Variants in COL13A1 observed in about 807,000 individuals in gnomAD.
The protein encoded by COL13A1 is collagen type XIII alpha 1 chain.
Under a neutral mutation model 130.9 loss-of-function variants are expected in COL13A1, and 89 were observed. The observed-to-expected ratio is 0.68, with a 90% confidence interval of 0.57 to 0.81. COL13A1 has a LOEUF of 0.81. COL13A1 is among the 30% of genes least tolerant of loss of function. The pLI, the probability that COL13A1 is intolerant of heterozygous loss-of-function variation, is 0.00. For synonymous variants in COL13A1, 402 were observed against 341.6 expected (o/e 1.18, Z -1.95); for missense variants, 879 against 934.6 (o/e 0.94, Z 0.78).
chr10:69,834,823 G>A lies in COL13A1; in HGVS notation c.364+12385G>A, dbSNP rs115833003. Among the ~76,000 whole-genome samples the A allele has an allele frequency of 3.1e-3, 470 of 152,308 alleles. 3 individuals are homozygous for A. Among genetic ancestry groups the A allele is most frequent in the African/African-American group, 0.01 (431 of 41,564 alleles). ...ATGCAGGATGCCTCATGGAAATGCT[G>A]AGGGCCCTGGAACAGTTCGTCCAGA... On this transcript the variant is annotated intron_variant, in intron 2 of 40. Coordinates refer to ENST00000645393, the MANE Select transcript of COL13A1 (RefSeq NM_001368882.1).
At chr10:69,830,529 C>T (rs1322134197) in intron 2 of COL13A1, among the ~76,000 whole-genome samples, 1 of 152,064 alleles carries the variant, frequency 6.6e-6, no homozygotes, top group Non-Finnish European at 1.5e-5. Flanking sequence ...AAGTTAAAAA[C>T]ATAAAGACAA....
intron 2 of COL13A1, among the ~76,000 whole-genome samples, chr10:69,823,484 C>T (rs561791230): frequency 6.6e-6 from 1 of 152,190 alleles, no homozygotes; most frequent in Non-Finnish European, 1.5e-5. Context: ...CTCCTCGATA[C>T]CCACGGTGGC....
chr10:69,935,362 C>A lies in COL13A1; in HGVS notation c.1741C>A (p.Pro581Thr), dbSNP rs1463933645. 1 of 1,578,910 alleles carries A rather than the reference C, an allele frequency of 6.3e-7. No homozygotes were observed. Among genetic ancestry groups the A allele is most frequent in the Non-Finnish European group, 8.6e-7 (1 of 1,161,612 alleles). ...GNPGAEVPGL[P>T]GPEGPPGPPG... is the part of the protein sequence containing the mutation. ...CTTTGGCTTTTAGGTTCCTGGGCTG[C>A]CAGGGCCAGAGGGGCCTCCCGGACC... The change falls in exon 32 of 41, where the codon CCA becomes ACA. Residue 581 changes from proline to threonine, a missense_variant. Physicochemically the swap from Pro to Thr is conservative, Grantham distance 38. This residue lies in a region of COL13A1 where 96 missense variants were observed against 147.7 expected (regional missense o/e 0.65). Transcript: ENST00000645393.
intron 14 of COL13A1, among the ~76,000 whole-genome samples, chr10:69,900,300 GA>G (rs1363398878): frequency 1.3e-5 from 2 of 152,202 alleles, no homozygotes. Context: ...ATTGTTGTGA[GA>G]ATTCTATGCA....
At chr10:69,923,949 C>T in intron 24 of COL13A1, 94 bp downstream of exon 24, 1 of 1,496,300 alleles carries the variant, frequency 6.7e-7, no homozygotes, top group Non-Finnish European at 9.1e-7. Flanking sequence ...TCCCTCAGGG[C>T]ACAAGGCTGA....
chr10:69,935,909 G>A (rs1295898875), intron 32 of COL13A1, among the ~76,000 whole-genome samples: 1 of 151,692 alleles, frequency 6.6e-6, no homozygotes, highest in Non-Finnish European at 1.5e-5. Context: ...TACTCAAGAG[G>A]CTAAGGTGGG....
At chr10:69,941,552 AGTCC>A (rs1386739456) in intron 35 of COL13A1, among the ~76,000 whole-genome samples, 4 of 152,226 alleles carry the variant, frequency 2.6e-5, no homozygotes, top group Non-Finnish European at 5.9e-5. Context: ...CATAGAAGCC[AGTCC>A]CAGCTCTGTG....
chr10:69,853,813 C>T (rs537022681), intron 2 of COL13A1, among the ~76,000 whole-genome samples: 1 of 152,160 alleles, frequency 6.6e-6, no homozygotes, highest in African/African-American at 2.4e-5. Flanking sequence ...GACCATATTC[C>T]GTGCACACCG....
At chr10:69,858,893 G>A (rs1361458929) in intron 2 of COL13A1, among the ~76,000 whole-genome samples, 2 of 152,252 alleles carry the variant, frequency 1.3e-5, no homozygotes, top group African/African-American at 4.8e-5. Flanking sequence ...CCAGCTGTGT[G>A]ACATTGGACA....
intron 13 of COL13A1, 42 bp downstream of exon 13, chr10:69,895,618 C>T (rs1222350431): frequency 6.8e-6 from 11 of 1,609,284 alleles, no homozygotes; most frequent in Non-Finnish European, 8.5e-6. Context: ...TTTGATCCAT[C>T]CCTGGGGCAC....
At chr10:69,895,262 G>A (rs1354344938) in intron 12 of COL13A1, among the ~76,000 whole-genome samples, 2 of 152,214 alleles carry the variant, frequency 1.3e-5, no homozygotes, top group African/African-American at 2.4e-5. Context: ...CAGGCATGGG[G>A]CATAACTCCC....
chr10:69,880,572 T>C lies in COL13A1; in HGVS notation c.513+19T>C, dbSNP rs1225586778. 9 of 1,612,548 alleles carry C rather than the reference T, an allele frequency of 5.6e-6. No individual in the cohort carries two copies. The Admixed American group carries it at 1.5e-4, about 27-fold the overall frequency. On this transcript the variant is annotated intron_variant, in intron 7 of 40. Coordinates refer to ENST00000645393, the MANE Select transcript of COL13A1 (RefSeq NM_001368882.1). ...CCCCCCTGTAAGTTGTTTTTGCTCTTCCTCGGGGTGTTGGGGGGATGGGTG... is the reference window on the plus strand; with the variant it reads ...CCCCCCTGTAAGTTGTTTTTGCTCTCCCTCGGGGTGTTGGGGGGATGGGTG...
chr10:69,856,485 C>T (rs1276685868), intron 2 of COL13A1, among the ~76,000 whole-genome samples: 1 of 152,150 alleles, frequency 6.6e-6, no homozygotes, highest in Non-Finnish European at 1.5e-5. Flanking sequence ...AAGGACTGTG[C>T]CCATCATAAA....
chr10:69,888,598 G>T (rs2060839080), intron 9 of COL13A1, among the ~76,000 whole-genome samples: 1 of 152,108 alleles, frequency 6.6e-6, no homozygotes, highest in Admixed American at 6.5e-5. Context: ...TGGGTGGGGT[G>T]GGGGTGAGAT....
intron 34 of COL13A1, 70 bp downstream of exon 34, chr10:69,937,785 A>C: frequency 1.3e-6 from 1 of 747,436 alleles, no homozygotes; most frequent in Non-Finnish European, 2.4e-6. Flanking sequence ...ACTGGGGGAC[A>C]GCCAGCGGAA....
In COL13A1 at chr10:69,866,585, C is replaced by T. The variant is rs146110179; in HGVS notation, c.365-1213C>T. On this transcript the variant is annotated intron_variant, in intron 2 of 40. Transcript: ENST00000645393. ...CAGATGCTCCCCCTGCTCTGTGCTCCCTCCCGCTTGTTCTGGGCCCTGCAT... is the reference window on the plus strand; with the variant it reads ...CAGATGCTCCCCCTGCTCTGTGCTCTCTCCCGCTTGTTCTGGGCCCTGCAT... 4.3e-3 allele frequency among the ~76,000 whole-genome samples: 656 copies of T among 152,248 alleles called. 7 individuals are homozygous for T. Among genetic ancestry groups the T allele is most frequent in the African/African-American group, 0.015 (615 of 41,546 alleles).
At chr10:69,899,088 G>A (rs920970565) in intron 14 of COL13A1, among the ~76,000 whole-genome samples, 12 of 152,316 alleles carry the variant, frequency 7.9e-5, no homozygotes, top group Admixed American at 2.0e-4. Flanking sequence ...CTTATTTCAC[G>A]ATGAGGAAAT....
chr10:69,949,950 G>GTGTGTGTGTGTGTGTGCC (rs1491413744), intron 38 of COL13A1, among the ~76,000 whole-genome samples: 1 of 107,402 alleles, frequency 9.3e-6, no homozygotes, highest in Non-Finnish European at 2.3e-5. Flanking sequence ...GTGTGTGTGC[G>GTGTGTGTGTGTGTGTGCC]TGTGTTTGTG....
chr10:69,883,682 G>A (rs905309768), intron 7 of COL13A1, among the ~76,000 whole-genome samples: 1 of 152,172 alleles, frequency 6.6e-6, no homozygotes, highest in Non-Finnish European at 1.5e-5. Flanking sequence ...CTGGAGGAGG[G>A]GATAATAACT....
Sources: gnomAD v4.1 joint callset for allele counts (sites outside exome capture counted in the v4.1 genomes callset) on GRCh38, gnomAD v4.1.1 for gene constraint, gnomAD v4.1.1 regional missense constraint, MANE v1.5 for transcripts, NCBI Gene and HGNC (gene_info 2026-07-23, HGNC 2026-07-21) for gene names.